Variants in RABGEF1 observed in about 807,000 individuals in gnomAD.
RABGEF1 encodes the protein RAB guanine nucleotide exchange factor 1.
Under a neutral mutation model 57.3 loss-of-function variants are expected in RABGEF1, and 26 were observed. The ratio of observed to expected loss-of-function variants is 0.45; its 90% CI spans 0.33 to 0.63. The LOEUF (loss-of-function observed/expected upper bound fraction) is 0.63, where lower values mean the gene tolerates loss of function less well. RABGEF1 is among the 20% of genes least tolerant of loss of function. The pLI, the probability that RABGEF1 is intolerant of heterozygous loss-of-function variation, is 0.02. For missense variants in RABGEF1, 464 were observed against 607.6 expected, an observed-to-expected ratio of 0.76 and a Z score of 2.48; for synonymous variants, 185 against 210.7, an observed-to-expected ratio of 0.88 and a Z score of 1.06.
intron 1 of RABGEF1, among the ~76,000 whole-genome samples, chr7:66,765,029 C>G (rs1805351629): frequency 6.6e-6 from 1 of 151,780 alleles, no homozygotes; most frequent in Non-Finnish European, 1.5e-5. Flanking sequence ...AATGATTAGT[C>G]AACTTAATTA....
upstream of RABGEF1, among the ~76,000 whole-genome samples, chr7:66,737,093 C>CGAGAGAGAGAGAGA (rs141745026): frequency 1.6e-5 from 2 of 127,292 alleles, no homozygotes; most frequent in Non-Finnish European, 3.4e-5. Flanking sequence ...AGAGCGAGAG[C>CGAGAGAGAGAGAGA]GAGAGAGAGA....
At chr7:66,712,597 A>G (rs1224654647) in intron 2 of RABGEF1, among the ~76,000 whole-genome samples, 1 of 151,894 alleles carries the variant, frequency 6.6e-6, no homozygotes, top group Non-Finnish European at 1.5e-5. Context: ...CAGCCTCCTG[A>G]GTAGCTGAGA....
At chr7:66,705,327 C>CT (rs1793853447) in intron 1 of RABGEF1, among the ~76,000 whole-genome samples, 1 of 152,032 alleles carries the variant, frequency 6.6e-6, no homozygotes, top group South Asian at 2.1e-4. Context: ...ATCCCACCTA[C>CT]TAGGGAGGCT....
intron 2 of RABGEF1, among the ~76,000 whole-genome samples, chr7:66,728,030 AC>A (rs1796787083): frequency 6.6e-6 from 1 of 151,758 alleles, no homozygotes; most frequent in South Asian, 2.1e-4. Flanking sequence ...TCCCCCTTCC[AC>A]CTTTCCAGTG....
intron 1 of RABGEF1, among the ~76,000 whole-genome samples, chr7:66,705,989 G>A (rs939088751): frequency 2.2e-4 from 32 of 143,302 alleles, no homozygotes; most frequent in Admixed American, 1.8e-3. Flanking sequence ...TGCAAGCTCC[G>A]CTTCCCGGGT....
chr7:66,771,908 T>G lies in RABGEF1; in HGVS notation c.9T>G (p.Leu3=). Residue 3 remains leucine, a synonymous_variant, in exon 2 of 9, where the codon CTT becomes CTG. Transcript: ENST00000284957. ...TGGTTAGCAGGAAGAAGATGAGCCT[T>G]AAGTCTGAACGCCGAGGAATTCATG... MS[L]KSERRGIHVD... 2 of 1,546,100 alleles carry G rather than the reference T, an allele frequency of 1.3e-6. No individual in the cohort carries two copies. Among genetic ancestry groups the G allele is most frequent in the African/African-American group, 1.4e-5 (1 of 72,082 alleles).
intron 1 of RABGEF1, among the ~76,000 whole-genome samples, chr7:66,687,712 A>G (rs1035208395): frequency 6.6e-6 from 1 of 152,190 alleles, no homozygotes; most frequent in Admixed American, 6.6e-5. Flanking sequence ...TATACTGTCT[A>G]TAAATACAGA....
At chr7:66,741,361 G>T (rs1459835411) in intron 1 of RABGEF1, among the ~76,000 whole-genome samples, 1 of 152,208 alleles carries the variant, frequency 6.6e-6, no homozygotes. Context: ...TCCACCCCGT[G>T]GCTGAGGGCG....
At chr7:66,720,195 T>A (rs141893177) in intron 2 of RABGEF1, among the ~76,000 whole-genome samples, 2 of 64,052 alleles carry the variant, frequency 3.1e-5, no homozygotes, top group East Asian at 5.3e-4. Context: ...ATTATTATTA[T>A]TTTTTTTTTT....
At chr7:66,760,137 C>T (rs1355220158) in intron 1 of RABGEF1, among the ~76,000 whole-genome samples, 1 of 152,208 alleles carries the variant, frequency 6.6e-6, no homozygotes, top group Admixed American at 6.5e-5. Context: ...ATTTGAGCAA[C>T]TCAGGCCTGC....
At chr7:66,706,168 C>T (rs1794059910) in intron 1 of RABGEF1, among the ~76,000 whole-genome samples, 1 of 151,634 alleles carries the variant, frequency 6.6e-6, no homozygotes, top group South Asian at 2.1e-4. Flanking sequence ...TCGCAAAGTC[C>T]TGGGATTATA....
intron 1 of RABGEF1, among the ~76,000 whole-genome samples, chr7:66,704,895 C>T (rs1174725141): frequency 6.6e-6 from 1 of 151,986 alleles, no homozygotes; most frequent in Admixed American, 6.6e-5. Context: ...TTTCACTAGG[C>T]CTTGCAGCTG....
chr7:66,788,239 T>G (rs535650999), intron 4 of RABGEF1, among the ~76,000 whole-genome samples: 1 of 152,106 alleles, frequency 6.6e-6, no homozygotes, highest in Non-Finnish European at 1.5e-5. Context: ...GAGGTCAGGA[T>G]TTCGAGACCA....
rs118021998 is a variant in RABGEF1, at chr7:66,728,489, G to A, written c.-814-11507G>A. Among the ~76,000 whole-genome samples, 132 of 147,018 alleles carry A rather than the reference G, an allele frequency of 9.0e-4. No individual in the cohort carries two copies. In the East Asian group the frequency reaches 0.014, roughly 15 times the overall value. On this transcript the variant is annotated intron_variant and NMD_transcript_variant, in intron 2 of 9. Transcript: ENST00000607882. ...TGTTCCCACCATAACCATGACCTTCGATTTCATGACCCACAATGGCATTCC... is the reference window on the plus strand; with the variant it reads ...TGTTCCCACCATAACCATGACCTTCAATTTCATGACCCACAATGGCATTCC...
At chr7:66,745,966 A>G (rs955514574) in intron 1 of RABGEF1, among the ~76,000 whole-genome samples, 5 of 152,156 alleles carry the variant, frequency 3.3e-5, no homozygotes, top group Non-Finnish European at 7.4e-5. Context: ...TCTCTATAAA[A>G]AGAAGTTTCA....
chr7:66,724,451 C>G (rs139252730), intron 2 of RABGEF1, among the ~76,000 whole-genome samples: 6 of 152,096 alleles, frequency 3.9e-5, no homozygotes, highest in Non-Finnish European at 7.4e-5. Flanking sequence ...CCACCGCTTC[C>G]CAGGTTCAAG....
At position 66,685,988 on chromosome 7, in the gene RABGEF1, C is replaced by T. The variant is rs117377066; in HGVS notation, c.-873+3730C>T. ...CTTCTTAGCCCATCAGTGAAGTTACCGCATTATAGGCCAGGTGCGGTGGCT... is the reference window on the plus strand; with the variant it reads ...CTTCTTAGCCCATCAGTGAAGTTACTGCATTATAGGCCAGGTGCGGTGGCT... On this transcript the variant is annotated intron_variant and NMD_transcript_variant, in intron 1 of 9. Coordinates refer to the RABGEF1 transcript ENST00000607882. Among the ~76,000 whole-genome samples, 53 of 152,062 alleles carry T rather than the reference C, an allele frequency of 3.5e-4. 3 individuals carry two copies. In the East Asian group the frequency reaches 8.3e-3, roughly 24 times the overall value.
chr7:66,721,249 A>T (rs1796022127), intron 2 of RABGEF1, among the ~76,000 whole-genome samples: 1 of 152,152 alleles, frequency 6.6e-6, no homozygotes, highest in Admixed American at 6.5e-5. Context: ...AGTGTTTAAA[A>T]ATCAAAATAC....
intron 4 of RABGEF1, among the ~76,000 whole-genome samples, chr7:66,787,078 G>A (rs554365957): frequency 2.0e-5 from 3 of 152,098 alleles, no homozygotes; most frequent in Non-Finnish European, 4.4e-5. Flanking sequence ...CCAGGCTGGA[G>A]TGCAGTGGTG....
Sources: allele counts gnomAD v4.1 joint callset (sites outside exome capture counted in the v4.1 genomes callset), GRCh38; gene constraint gnomAD v4.1.1; transcripts MANE v1.5; gene names NCBI Gene and HGNC (gene_info 2026-07-23, HGNC 2026-07-21).